Variants in LRTM1 observed in about 807,000 individuals in gnomAD.
The protein encoded by LRTM1 is leucine-rich repeat and transmembrane domain-containing protein 1.
LRTM1 carries 38 observed loss-of-function variants against 32.4 expected under a neutral mutation model. The ratio of observed to expected loss-of-function variants is 1.17; its 90% confidence interval spans 0.91 to 1.54. The LOEUF (loss-of-function observed/expected upper bound fraction) is 1.54. Among genes scored for constraint, LRTM1 ranks in the 40% most tolerant of loss-of-function variants. The pLI is 0.00. For synonymous variants in LRTM1, 186 were observed against 169.9 expected (o/e 1.09, Z -0.74); for missense variants, 466 against 415.4 (o/e 1.12, Z -1.06).
chr3:54,943,032 TAATAA>T (rs1390640201), intron 1 of LRTM1, among the ~76,000 whole-genome samples: 10 of 151,240 alleles, frequency 6.6e-5, no homozygotes, highest in African/African-American at 2.2e-4. Context: ...TCAAAAATAA[TAATAA>T]AATAAAAACT....
intron 1 of LRTM1, among the ~76,000 whole-genome samples, chr3:54,926,170 C>T (rs1701009795): frequency 6.6e-6 from 1 of 152,126 alleles, no homozygotes; most frequent in African/African-American, 2.4e-5. Flanking sequence ...TAAAAACAAT[C>T]ATTAGTAATG....
intron 1 of LRTM1, among the ~76,000 whole-genome samples, chr3:54,963,625 C>T (rs1188955365): frequency 6.6e-6 from 1 of 152,158 alleles, no homozygotes; most frequent in African/African-American, 2.4e-5. Context: ...TCAAGCATGC[C>T]GATCATTGGT....
At chr3:54,925,285 T>C in intron 1 of LRTM1, 70 bp from the exon 2 acceptor site, 1 of 1,298,906 alleles carries the variant, frequency 7.7e-7, no homozygotes, top group East Asian at 2.3e-5. Context: ...TTTTCCGCCT[T>C]TGAATTTACA....
chr3:54,966,060 A>C (rs978301661), intron 1 of LRTM1, among the ~76,000 whole-genome samples: 1 of 152,106 alleles, frequency 6.6e-6, no homozygotes, highest in Non-Finnish European at 1.5e-5. Context: ...AGTATGTGAG[A>C]TGGATAAACA....
intron 1 of LRTM1, among the ~76,000 whole-genome samples, chr3:54,933,855 A>G (rs1575388378): frequency 6.7e-6 from 1 of 149,038 alleles, no homozygotes; most frequent in Admixed American, 6.7e-5. Context: ...TGCAACCTCC[A>G]CCTCCCAGGT....
chr3:54,955,359 G>C (rs559003149), intron 1 of LRTM1, among the ~76,000 whole-genome samples: 13 of 152,204 alleles, frequency 8.5e-5, no homozygotes, highest in African/African-American at 3.1e-4. Context: ...GTCTGGGCTG[G>C]TGATGACTCC....
At chr3:54,959,704 C>T (rs1392845229) in intron 1 of LRTM1, among the ~76,000 whole-genome samples, 2 of 152,108 alleles carry the variant, frequency 1.3e-5, no homozygotes, top group Non-Finnish European at 2.9e-5. Context: ...AAGCCCGAGG[C>T]TTAAATGTTT....
chr3:54,925,151 C>T lies in LRTM1; in HGVS notation c.72G>A (p.Lys24=), dbSNP rs749156289. The change falls in exon 2 of 3, where the codon AAG becomes AAA. Residue 24 remains lysine, a synonymous_variant. Transcript: ENST00000273286. Reference sequence around the variant, plus strand: ...AATTTGTAGATGACTGACAGTAACACTTGTCCGGGCAGCTGCATACCACCT... The same window carrying T: ...AATTTGTAGATGACTGACAGTAACATTTGTCCGGGCAGCTGCATACCACCT... ...LLQVVCSCPD[K]CYCQSSTNFV... is the part of the protein sequence containing the mutation. 9 of 1,613,976 alleles carry T rather than the reference C, an allele frequency of 5.6e-6. No individual in the cohort carries two copies. The African/African-American group carries it at 1.1e-4, about 19-fold the overall frequency.
At chr3:54,941,741 C>T (rs1460823193) in intron 1 of LRTM1, among the ~76,000 whole-genome samples, 1 of 152,070 alleles carries the variant, frequency 6.6e-6, no homozygotes, top group Admixed American at 6.5e-5. Context: ...CACGAGGGTT[C>T]GCATGGATGT....
At chr3:54,963,943 G>A (rs1702088680) in intron 1 of LRTM1, among the ~76,000 whole-genome samples, 1 of 152,206 alleles carries the variant, frequency 6.6e-6, no homozygotes. Context: ...TTCGATATCT[G>A]TAGTTAAGCC....
upstream of LRTM1, among the ~76,000 whole-genome samples, chr3:54,933,051 C>CCCTTCCTT (rs60554563): frequency 1.9e-3 from 261 of 139,486 alleles, 1 homozygote; most frequent in Middle Eastern, 7.2e-3. Context: ...ATCCATCCCT[C>CCCTTCCTT]CCTTCCTTCC....
chr3:54,955,725 C>T (rs935973341), intron 1 of LRTM1, among the ~76,000 whole-genome samples: 4 of 152,108 alleles, frequency 2.6e-5, no homozygotes, highest in Admixed American at 2.6e-4. Context: ...CCTCTGTCTA[C>T]CGAGGGGGCT....
At chr3:54,962,336 T>C (rs1366329227) in intron 1 of LRTM1, among the ~76,000 whole-genome samples, 1 of 152,126 alleles carries the variant, frequency 6.6e-6, no homozygotes, top group Non-Finnish European at 1.5e-5. Context: ...GATATAACAC[T>C]CTAAGGAACA....
At chr3:54,953,710 C>G (rs1009451179) in intron 1 of LRTM1, among the ~76,000 whole-genome samples, 11 of 152,320 alleles carry the variant, frequency 7.2e-5, no homozygotes, top group Non-Finnish European at 1.5e-4. Context: ...TTCCCCCTTG[C>G]CTGTGAACGC....
intron 1 of LRTM1, among the ~76,000 whole-genome samples, chr3:54,949,964 G>A (rs1701715797): frequency 6.6e-6 from 1 of 152,206 alleles, no homozygotes; most frequent in African/African-American, 2.4e-5. Context: ...GGCTTCATCA[G>A]GCATGCAGAG....
At chr3:54,949,104 T>C (rs1013609790) in intron 1 of LRTM1, among the ~76,000 whole-genome samples, 1 of 152,198 alleles carries the variant, frequency 6.6e-6, no homozygotes, top group Non-Finnish European at 1.5e-5. Flanking sequence ...TCTGAGCAGA[T>C]TGGCAAACTC....
At chr3:54,950,029 C>A (rs1257703364) in intron 1 of LRTM1, among the ~76,000 whole-genome samples, 1 of 152,210 alleles carries the variant, frequency 6.6e-6, no homozygotes, top group East Asian at 1.9e-4. Context: ...AAGTCTACCA[C>A]CTCCAGTGGC....
intron 1 of LRTM1, among the ~76,000 whole-genome samples, chr3:54,955,126 G>A (rs751686566): frequency 1.3e-5 from 2 of 152,170 alleles, no homozygotes; most frequent in Admixed American, 6.5e-5. Context: ...GGAATCGTAG[G>A]AGAATGATTA....
In LRTM1 at chr3:54,941,341, G is replaced by C. The variant is rs572967993; in HGVS notation, c.-221-16126C>G. Among the ~76,000 whole-genome samples, 6 of 152,254 alleles carry C rather than the reference G, an allele frequency of 3.9e-5. No homozygotes were observed. In the South Asian group the frequency reaches 8.3e-4, roughly 21 times the overall value. ...TAATATGACTGAATTAAATGAAAAA[G>C]AATCTCAGTTATGAAGTAAGCCCCC... is the stretch of plus-strand genomic sequence containing the variant. On this transcript the variant is annotated intron_variant, in intron 1 of 2. Coordinates refer to the LRTM1 transcript ENST00000493075.
Sources: allele counts gnomAD v4.1 joint callset (sites outside exome capture counted in the v4.1 genomes callset), GRCh38; gene constraint gnomAD v4.1.1; transcripts MANE v1.5; gene names NCBI Gene and HGNC (gene_info 2026-07-23, HGNC 2026-07-21).